CADPS2: variants seen among roughly 807,000 people sequenced by gnomAD.
The protein encoded by CADPS2 is calcium dependent secretion activator 2.
CADPS2 carries 93 observed loss-of-function variants against 172.5 expected under a neutral mutation model. The ratio of observed to expected loss-of-function variants is 0.54; its 90% CI spans 0.46 to 0.64. CADPS2 has a LOEUF of 0.64. Ranked by LOEUF, CADPS2 falls within the 30% of genes least tolerant of loss-of-function variation. The pLI is 0.00. For synonymous variants in CADPS2, 546 were observed against 555.2 expected, an observed-to-expected ratio of 0.98 and a Z score of 0.23; for missense variants, 1,420 against 1,565.9, an observed-to-expected ratio of 0.91 and a Z score of 1.57.
chr7:122,761,765 T>C (rs932315999), intron 1 of CADPS2, among the ~76,000 whole-genome samples: 2 of 149,194 alleles, frequency 1.3e-5, no homozygotes, highest in African/African-American at 2.5e-5. Context: ...GAGGCTGAGG[T>C]GGGCAGATCA....
chr7:122,514,944 T>C, intron 8 of CADPS2, among the ~76,000 whole-genome samples: 1 of 152,184 alleles, frequency 6.6e-6, no homozygotes, highest in East Asian at 1.9e-4. Flanking sequence ...TCCAAAATAT[T>C]ACTAATAGTA....
rs79122703 is a variant in CADPS2, at chr7:122,373,254, C to T, written c.3387+6114G>A. Among the ~76,000 whole-genome samples, 446 of 152,154 alleles carry T rather than the reference C, an allele frequency of 2.9e-3. 2 individuals are homozygous for T. Among genetic ancestry groups the T allele is most frequent in the African/African-American group, 0.01 (426 of 41,498 alleles). On this transcript the variant is annotated intron_variant, in intron 25 of 29. Coordinates refer to ENST00000449022, the MANE Select transcript of CADPS2 (RefSeq NM_017954.11). ...GAAGATTCACCAGAGCAGTGTTTCT[C>T]AAAGTCTGGCTCATGGTTCCCTATT... is the stretch of plus-strand genomic sequence containing the variant.
intron 11 of CADPS2, among the ~76,000 whole-genome samples, chr7:122,482,610 C>G (rs556129329): frequency 6.6e-6 from 1 of 152,126 alleles, no homozygotes; most frequent in South Asian, 2.1e-4. Flanking sequence ...AAACGCTGCA[C>G]GTTGGGCAAC....
chr7:122,796,961 G>T (rs1589254843), intron 1 of CADPS2, among the ~76,000 whole-genome samples: 2 of 151,910 alleles, frequency 1.3e-5, no homozygotes, highest in East Asian at 3.9e-4. Flanking sequence ...TGCAAACTAT[G>T]CATCTGACAA....
intron 2 of CADPS2, chr7:122,702,155 G>T (rs771318296): frequency 6.2e-7 from 1 of 1,613,656 alleles, no homozygotes; most frequent in Non-Finnish European, 8.5e-7. Flanking sequence ...AATTGTGGCA[G>T]CCAGGAAGGT....
At chr7:122,585,499 A>T (rs979037484) in intron 6 of CADPS2, 1 of 151,154 alleles carries the variant, frequency 6.6e-6, no homozygotes, top group African/African-American at 2.4e-5. Flanking sequence ...AGGAAAGAAG[A>T]CAATAGGCCT....
intron 1 of CADPS2, among the ~76,000 whole-genome samples, chr7:122,799,463 C>T (rs193108719): frequency 4.0e-5 from 6 of 151,842 alleles, no homozygotes; most frequent in Admixed American, 2.0e-4. Context: ...ATTAGCCGGG[C>T]GTGGTGGTGG....
rs1197799346 is a variant in CADPS2 at position 122,663,417 on chromosome 7, T to C, written c.606A>G (p.Ser202=). The change falls in exon 3 of 30, where the codon TCA becomes TCG. Residue 202 remains serine, a synonymous_variant. Transcript: ENST00000449022. ...DGLSKETVLS[S]WIAKYDAIYR... ...AAATGGCATCATATTTGGCTATCCA[T>C]GAGCTCAACACTGTCTCTTTGCTCA... 3 of 1,613,872 alleles carry C rather than the reference T, an allele frequency of 1.9e-6. No homozygotes were observed. Among genetic ancestry groups the C allele is most frequent in the African/African-American group, 2.7e-5 (2 of 74,926 alleles).
At chr7:122,326,641 GT>G (rs1252009156) in intron 28 of CADPS2, among the ~76,000 whole-genome samples, 3 of 151,838 alleles carry the variant, frequency 2.0e-5, no homozygotes, top group Non-Finnish European at 4.4e-5. Flanking sequence ...ACATATGTGT[GT>G]GCATACGTTC....
intron 1 of CADPS2, among the ~76,000 whole-genome samples, chr7:122,801,537 T>C (rs62483617): frequency 0.19 from 28,540 of 152,046 alleles, 2,800 homozygotes; most frequent in Middle Eastern, 0.27. Flanking sequence ...CCACATGTAA[T>C]AGTGAAGAAA....
chr7:122,524,575 A>T (rs1365838452), intron 8 of CADPS2, among the ~76,000 whole-genome samples: 1 of 152,214 alleles, frequency 6.6e-6, no homozygotes, highest in Non-Finnish European at 1.5e-5. Flanking sequence ...GTATTTATTA[A>T]GGACTTCTAA....
intron 1 of CADPS2, among the ~76,000 whole-genome samples, chr7:122,762,130 T>C (rs571977450): frequency 6.6e-6 from 1 of 150,486 alleles, no homozygotes; most frequent in Admixed American, 6.7e-5. Flanking sequence ...TATGTATATA[T>C]AAAACAACAG....
chr7:122,592,851 G>GC (rs1481348803), intron 6 of CADPS2, among the ~76,000 whole-genome samples: 1 of 144,818 alleles, frequency 6.9e-6, no homozygotes, highest in Non-Finnish European at 1.6e-5. Context: ...GATGGGGGGA[G>GC]GGGGGAGGAA....
At chr7:122,750,323 T>C (rs2092899135) in intron 1 of CADPS2, among the ~76,000 whole-genome samples, 1 of 152,176 alleles carries the variant, frequency 6.6e-6, no homozygotes. Context: ...AGTATAAATA[T>C]GTCCTATGCA....
intron 14 of CADPS2, among the ~76,000 whole-genome samples, chr7:122,464,371 A>C (rs545257129): frequency 6.6e-6 from 1 of 152,198 alleles, no homozygotes; most frequent in Admixed American, 6.5e-5. Context: ...ACAAATGGTT[A>C]AATAAATAAA....
chr7:122,330,175 G>A (rs1050308672), intron 28 of CADPS2, among the ~76,000 whole-genome samples: 13 of 152,170 alleles, frequency 8.5e-5, no homozygotes, highest in African/African-American at 3.1e-4. Flanking sequence ...GGCAAGAGTT[G>A]AGTCATTGTG....
intron 6 of CADPS2, among the ~76,000 whole-genome samples, chr7:122,597,804 G>C (rs1280774134): frequency 6.6e-6 from 1 of 152,054 alleles, no homozygotes; most frequent in Non-Finnish European, 1.5e-5. Context: ...AATAAAAAAT[G>C]TAACTGTGGA....
intron 20 of CADPS2, among the ~76,000 whole-genome samples, chr7:122,401,118 G>C (rs2045895554): frequency 6.6e-6 from 1 of 152,118 alleles, no homozygotes. Flanking sequence ...ATCCTCATGA[G>C]ACCACATTCC....
intron 19 of CADPS2, among the ~76,000 whole-genome samples, chr7:122,410,352 C>T (rs915401003): frequency 6.7e-6 from 1 of 148,412 alleles, no homozygotes; most frequent in Non-Finnish European, 1.5e-5. Flanking sequence ...TTAAAAAAAA[C>T]AAAAAACAAA....
Sources: allele counts gnomAD v4.1 joint callset (sites outside exome capture counted in the v4.1 genomes callset), GRCh38; gene constraint gnomAD v4.1.1; transcripts MANE v1.5; gene names NCBI Gene and HGNC (gene_info 2026-07-23, HGNC 2026-07-21).